Variants in ESCO2 observed in about 807,000 individuals in gnomAD.
ESCO2 encodes the protein establishment of sister chromatid cohesion N-acetyltransferase 2, also known as N-acetyltransferase ESCO2.
ESCO2 carries 51 observed loss-of-function variants against 61.7 expected under a neutral mutation model. The observed-to-expected ratio is 0.83, with a 90% CI of 0.66 to 1.04. ESCO2 has a LOEUF of 1.04. Among genes scored for constraint, ESCO2 ranks in the 50% least tolerant of loss-of-function variants. The pLI, the probability that ESCO2 is intolerant of heterozygous loss-of-function variation, is 0.00. For missense variants in ESCO2, 692 were observed against 686.2 expected (o/e 1.01, Z -0.09); for synonymous variants, 230 against 238.2 (o/e 0.97, Z 0.32).
chr8:27,780,234 T>C lies in ESCO2; in HGVS notation c.922T>C (p.Ser308Pro). ...EHKVDKNEAFSSEDSLGENKT... is the reference protein window; with the variant it reads ...EHKVDKNEAFPSEDSLGENKT... Reference sequence around the variant, plus strand: ...TAAAGTTGATAAAAATGAGGCTTTTTCTTCAGAGGATTCTCTTGGTGAGAA... The same window carrying C: ...TAAAGTTGATAAAAATGAGGCTTTTCCTTCAGAGGATTCTCTTGGTGAGAA... The change falls in exon 4 of 11, where the codon TCT (serine) becomes CCT (proline). Residue 308 changes from serine (S) to proline (P), a missense_variant. Ser to Pro is a moderately conservative substitution (Grantham distance 74). Coordinates refer to ENST00000305188, the MANE Select transcript of ESCO2 (RefSeq NM_001017420.3). 1 of 1,611,870 alleles carries C rather than the reference T, an allele frequency of 6.2e-7. No homozygotes were observed. The highest frequency in any genetic ancestry group is 2.2e-5 in the East Asian group (1 of 44,768).
downstream of ESCO2, chr8:27,812,725 A>G (rs1199505857): frequency 6.6e-6 from 1 of 152,196 alleles, no homozygotes; most frequent in Non-Finnish European, 1.5e-5. Flanking sequence ...AAAAATGCTC[A>G]TCATCACTGG....
intron 3 of ESCO2, chr8:27,777,423 C>T (rs956461779): frequency 1.1e-4 from 32 of 280,502 alleles, no homozygotes; most frequent in African/African-American, 6.1e-4. Flanking sequence ...CTCAGCCTCC[C>T]AAGTAGCTGG....
chr8:27,791,682 A>C (rs761286409), intron 7 of ESCO2, among the ~76,000 whole-genome samples: 2 of 152,224 alleles, frequency 1.3e-5, no homozygotes, highest in Admixed American at 6.5e-5. Context: ...GGGCCTCCCA[A>C]AGTGCTAGGA....
At chr8:27,798,791 G>T (rs1805359570) in intron 9 of ESCO2, among the ~76,000 whole-genome samples, 1 of 152,178 alleles carries the variant, frequency 6.6e-6, no homozygotes, top group African/African-American at 2.4e-5. Context: ...TATGGTATAT[G>T]ATTTCATTTA....
downstream of ESCO2, among the ~76,000 whole-genome samples, chr8:27,817,344 A>G (rs894274174): frequency 1.3e-5 from 2 of 152,178 alleles, no homozygotes; most frequent in African/African-American, 4.8e-5. Context: ...ACTGCTCTAG[A>G]AAGTCTTGCT....
intron 6 of ESCO2, 114 bp downstream of exon 6, chr8:27,788,116 T>C (rs1805089449): frequency 2.7e-6 from 2 of 744,178 alleles, no homozygotes; most frequent in Admixed American, 4.1e-5. Context: ...AGCAATGTTT[T>C]ATGTGACAGA....
In ESCO2 at chr8:27,803,389, C is replaced by G; in HGVS notation, c.1757C>G (p.Thr586Ser). 6.2e-7 allele frequency: 1 copy of G among 1,613,764 alleles called. No homozygotes were observed. Among genetic ancestry groups the G allele is most frequent in the Non-Finnish European group, 8.5e-7 (1 of 1,179,800 alleles). ...ACACCAGATGGCAAGTTATTTGCAA[C>G]CAAGTACTGCAACACCCCTAATTTC... The part of the protein sequence containing the change: ...DPTPDGKLFA[T>S]KYCNTPNFLV... Residue 586 changes from threonine to serine, a missense_variant, in exon 11 of 11, where the codon ACC (threonine) becomes AGC (serine). Physicochemically the swap from Thr to Ser is moderately conservative, Grantham distance 58. Coordinates refer to ENST00000305188, the MANE Select transcript of ESCO2 (RefSeq NM_001017420.3).
rs762779732 is a variant in ESCO2 at position 27,776,295 on chromosome 8, TAGC to T, written c.54-64_54-62del. ...ATATGACCTACAAGTAGAGCTTACT[TAGC>T]AGTAGATTTATGTAAATTTTGACGC... On this transcript the variant is annotated intron_variant, in intron 2 of 10. Transcript: ENST00000305188. The T allele has an allele frequency of 2.3e-6, 3 of 1,321,892 alleles. No homozygotes were observed. In the African/African-American group the frequency reaches 4.4e-5, roughly 19 times the overall value. The allele number at this position is 1,321,892 out of a possible 1,614,324, so 81.9% of individuals were successfully genotyped here.
At chr8:27,775,857 C>T (rs1410130052) in intron 2 of ESCO2, among the ~76,000 whole-genome samples, 5 of 152,050 alleles carry the variant, frequency 3.3e-5, no homozygotes, top group Admixed American at 3.3e-4. Flanking sequence ...GGAAATATAC[C>T]AAATCAGCTA....
At position 27,788,990 on chromosome 8, in the gene ESCO2, CAT is replaced by C. The variant is rs761281935; in HGVS notation, c.1263+14_1263+15del. 19 of 1,613,816 alleles carry C rather than the reference CAT, an allele frequency of 1.2e-5. No individual in the cohort carries two copies. In the East Asian group the frequency reaches 4.2e-4, roughly 36 times the overall value. On this transcript the variant is annotated intron_variant, in intron 7 of 10. Transcript: ENST00000305188. ...GAATCAAATATGTGGTGAGCCAAAA[CAT>C]AGTCTTTCAGTTTGTTCTAGAAGTA...
downstream of ESCO2, among the ~76,000 whole-genome samples, chr8:27,813,248 C>T (rs1313129310): frequency 6.6e-6 from 1 of 152,096 alleles, no homozygotes; most frequent in Admixed American, 6.5e-5. Context: ...TGTCCTGACT[C>T]ATAGGTGGGA....
intron 7 of ESCO2, 130 bp downstream of exon 7, chr8:27,789,108 A>G (rs980230797): frequency 1.7e-6 from 2 of 1,170,278 alleles, no homozygotes; most frequent in East Asian, 2.6e-5. Context: ...TACTATCTCA[A>G]TTTAAGATAA....
rs1804802889 is a variant in ESCO2, at chr8:27,776,786, A to C, written c.478A>C (p.Arg160=). 1 of 1,613,974 alleles carries C rather than the reference A, an allele frequency of 6.2e-7. No homozygotes were observed. The highest frequency in any genetic ancestry group is 8.5e-7 in the Non-Finnish European group (1 of 1,180,034). ...PKYRHIKPVS[R]NSRNSKQNRV... is the part of the protein sequence containing the mutation. ...GTATAGACACATCAAGCCTGTATCAAGGAATTCTAGAAATTCCAAGCAAAA... is the reference window on the plus strand; with the variant it reads ...GTATAGACACATCAAGCCTGTATCACGGAATTCTAGAAATTCCAAGCAAAA... Residue 160 remains arginine, a synonymous_variant, in exon 3 of 11, where the codon AGG becomes CGG. Transcript: ENST00000305188.
chr8:27,788,700 T>C (rs1805105366), intron 6 of ESCO2, 147 bp from the exon 7 acceptor site: 2 of 933,872 alleles, frequency 2.1e-6, no homozygotes, highest in Non-Finnish European at 3.3e-6. Context: ...AAGGAGGATA[T>C]GGTAACCAGA....
chr8:27,810,697 C>T (rs1453253795), downstream of ESCO2, among the ~76,000 whole-genome samples: 1 of 152,094 alleles, frequency 6.6e-6, no homozygotes, highest in African/African-American at 2.4e-5. Flanking sequence ...AGGTTATCGA[C>T]CCCTACTTTT....
chr8:27,813,730 G>T (rs1228809269), downstream of ESCO2, among the ~76,000 whole-genome samples: 2 of 152,118 alleles, frequency 1.3e-5, no homozygotes, highest in African/African-American at 2.4e-5. Context: ...AGTAAGTTCT[G>T]GTGACCTAAC....
At chr8:27,802,141 C>CT (rs75627743) in intron 10 of ESCO2, among the ~76,000 whole-genome samples, 50 of 139,636 alleles carry the variant, frequency 3.6e-4, no homozygotes, top group Non-Finnish European at 4.9e-4. Context: ...TTGATTAATT[C>CT]TTTTTTTTTT....
chr8:27,776,850 A>G lies in ESCO2; in HGVS notation c.542A>G (p.Asn181Ser). The G allele has an allele frequency of 6.2e-7, 1 of 1,614,196 alleles. No individual in the cohort carries two copies. The highest frequency in any genetic ancestry group is 8.5e-7 in the Non-Finnish European group (1 of 1,180,034). The stretch of plus-strand genomic sequence containing the variant: ...AAGCCAATTGTGGAGAAGGAAAATA[A>G]TTGTCATTCAGCTGAAAATAATTCC... The part of the protein sequence containing the change: ...IYKPIVEKEN[N>S]CHSAENNSNA... The change falls in exon 3 of 11, where the codon AAT becomes AGT. Residue 181 changes from asparagine (N) to serine (S), a missense_variant. Physicochemically the swap from Asn to Ser is conservative, Grantham distance 46. Coordinates refer to ENST00000305188, the MANE Select transcript of ESCO2 (RefSeq NM_001017420.3).
intron 5 of ESCO2, among the ~76,000 whole-genome samples, chr8:27,785,969 TA>T (rs1220003627): frequency 3.3e-5 from 5 of 152,136 alleles, no homozygotes; most frequent in African/African-American, 1.2e-4. Flanking sequence ...AGGTTATGGT[TA>T]GAGGAGGGTA....
Sources: gnomAD v4.1 joint callset for allele counts (sites outside exome capture counted in the v4.1 genomes callset) on GRCh38, gnomAD v4.1.1 for gene constraint, MANE v1.5 for transcripts, NCBI Gene and HGNC (gene_info 2026-07-23, HGNC 2026-07-21) for gene names.